DSCAML1: variants seen among roughly 807,000 people sequenced by gnomAD.
The protein encoded by DSCAML1 is DS cell adhesion molecule like 1, also known as cell adhesion molecule DSCAML1.
Under a neutral mutation model 200.5 loss-of-function variants are expected in DSCAML1, and 38 were observed. That is an observed-to-expected ratio of 0.19 (90% CI 0.15 to 0.25). The LOEUF (loss-of-function observed/expected upper bound fraction) is 0.25, where lower values mean the gene tolerates loss of function less well. DSCAML1 is among the 10% of genes least tolerant of loss of function. The probability of loss-of-function intolerance (pLI) is 1.00; values close to 1 mark genes in which losing one functional copy is unlikely to be tolerated. For missense variants in DSCAML1, 2,223 were observed against 2,858.8 expected (o/e 0.78, Z 5.07); for synonymous variants, 1,215 against 1,165.0 (o/e 1.04, Z -0.87).
In DSCAML1 at chr11:117,505,772, A is replaced by C. The variant is rs751743236; in HGVS notation, c.1784-40T>G. ...GGGTGCTGCCGTCAGGACCCTGTGCATTCTCACCTGGCCGCCAACGCCGCC... is the reference window on the plus strand; with the variant it reads ...GGGTGCTGCCGTCAGGACCCTGTGCCTTCTCACCTGGCCGCCAACGCCGCC... On this transcript the variant is annotated intron_variant, in intron 8 of 32. Coordinates refer to ENST00000651296, the MANE Select transcript of DSCAML1 (RefSeq NM_020693.4). The surrounding 1 kb of genome is among the most constrained non-coding windows in gnomAD (Gnocchi z 6.7). 1 of 1,579,978 alleles carries C rather than the reference A, an allele frequency of 6.3e-7. No individual in the cohort carries two copies. Among genetic ancestry groups the C allele is most frequent in the South Asian group, 1.1e-5 (1 of 88,628 alleles).
At chr11:117,720,221 T>C (rs1330862208) in intron 3 of DSCAML1, among the ~76,000 whole-genome samples, 1 of 152,144 alleles carries the variant, frequency 6.6e-6, no homozygotes, top group South Asian at 2.1e-4. Context: ...ATGGAGCAGA[T>C]AGCAATTTTC....
intron 20 of DSCAML1, among the ~76,000 whole-genome samples, chr11:117,448,211 G>C (rs368111127): frequency 6.6e-6 from 1 of 152,206 alleles, no homozygotes; most frequent in Non-Finnish European, 1.5e-5. Flanking sequence ...ACCAACCTTG[G>C]AAAGACTTCA....
intron 3 of DSCAML1, among the ~76,000 whole-genome samples, chr11:117,729,966 CA>C (rs1168910822): frequency 6.6e-6 from 1 of 152,168 alleles, no homozygotes; most frequent in Non-Finnish European, 1.5e-5. Context: ...TTTGGGAGGC[CA>C]GGGCGGGTGG....
chr11:117,788,295 T>C (rs575941333), intron 1 of DSCAML1, among the ~76,000 whole-genome samples: 18 of 152,190 alleles, frequency 1.2e-4, no homozygotes, highest in Non-Finnish European at 2.2e-4. Context: ...TTTTGGTTTG[T>C]TTTGTTGTTG....
At chr11:117,486,333 A>T (rs1321647717) in intron 11 of DSCAML1, among the ~76,000 whole-genome samples, 48 of 150,250 alleles carry the variant, frequency 3.2e-4, no homozygotes, top group African/African-American at 8.2e-4. Flanking sequence ...GCGGATGTGA[A>T]AATGGCGGAT....
chr11:117,672,501 G>A (rs955171383), intron 3 of DSCAML1, among the ~76,000 whole-genome samples: 1 of 152,172 alleles, frequency 6.6e-6, no homozygotes, highest in Non-Finnish European at 1.5e-5. Context: ...AGTGCTCCAA[G>A]GATAAGGATT....
At chr11:117,567,240 G>A (rs1795689977) in intron 3 of DSCAML1, among the ~76,000 whole-genome samples, 1 of 152,122 alleles carries the variant, frequency 6.6e-6, no homozygotes, top group Non-Finnish European at 1.5e-5. Context: ...TCCAGCACCT[G>A]TTGTTTCCTG....
intron 3 of DSCAML1, among the ~76,000 whole-genome samples, chr11:117,623,270 G>A (rs2051976737): frequency 7.0e-6 from 1 of 142,276 alleles, no homozygotes; most frequent in Admixed American, 7.3e-5. Context: ...GGCTGGGAGT[G>A]CAGTGGCGTG....
intron 3 of DSCAML1, among the ~76,000 whole-genome samples, chr11:117,600,707 T>C (rs2051449892): frequency 6.6e-6 from 1 of 152,190 alleles, no homozygotes; most frequent in Middle Eastern, 3.2e-3. Context: ...ACTCAACCTG[T>C]CATTATCTCT....
At chr11:117,669,725 G>C (rs2053061142) in intron 3 of DSCAML1, among the ~76,000 whole-genome samples, 1 of 152,256 alleles carries the variant, frequency 6.6e-6, no homozygotes, top group African/African-American at 2.4e-5. Flanking sequence ...ACTGAGACCT[G>C]AAGGATGAGA....
intron 3 of DSCAML1, among the ~76,000 whole-genome samples, chr11:117,579,709 A>G (rs1189002789): frequency 4.6e-5 from 7 of 152,186 alleles, no homozygotes; most frequent in African/African-American, 2.4e-5. Flanking sequence ...TATAAAATCT[A>G]TGCAGTCAGT....
chr11:117,650,700 T>TGTGTGTGTGCAC (rs147584706), intron 3 of DSCAML1, among the ~76,000 whole-genome samples: 17 of 147,352 alleles, frequency 1.2e-4, no homozygotes, highest in Non-Finnish European at 2.2e-4. Context: ...TGTGTGTGTG[T>TGTGTGTGTGCAC]GCGTGTGTGT....
At chr11:117,757,723 A>C (rs1235353199) in intron 3 of DSCAML1, among the ~76,000 whole-genome samples, 1 of 152,130 alleles carries the variant, frequency 6.6e-6, no homozygotes, top group Non-Finnish European at 1.5e-5. Flanking sequence ...CACACCTGTA[A>C]TCCTCAAAAT....
chr11:117,609,695 G>A (rs1260887376), intron 3 of DSCAML1, among the ~76,000 whole-genome samples: 2 of 151,988 alleles, frequency 1.3e-5, no homozygotes, highest in East Asian at 1.9e-4. Flanking sequence ...TTTGTTTTGG[G>A]TGTTAGTATT....
At chr11:117,644,866 C>T (rs2052490854) in intron 3 of DSCAML1, among the ~76,000 whole-genome samples, 1 of 152,234 alleles carries the variant, frequency 6.6e-6, no homozygotes, top group Non-Finnish European at 1.5e-5. Context: ...AAGGACTGAA[C>T]CCGCCGGGGC....
rs761991944 is a variant in DSCAML1, at chr11:117,428,473, G to A, written c.6017C>T (p.Pro2006Leu). ...PTAPSAAPPA[P>L]STEPPRAGGP... ...CCCGGCTCGTGGAGGCTCGGTGCTGGGGGCCGGAGGGGCAGCGCTGGGGGC... is the reference window on the plus strand; with the variant it reads ...CCCGGCTCGTGGAGGCTCGGTGCTGAGGGCCGGAGGGGCAGCGCTGGGGGC... The change falls in exon 33 of 33, where the codon CCC becomes CTC. Residue 2006 changes from proline (P) to leucine (L), a missense_variant. Coordinates refer to ENST00000651296, the MANE Select transcript of DSCAML1 (RefSeq NM_020693.4). The A allele has an allele frequency of 5.6e-5, 86 of 1,531,210 alleles. No homozygotes were observed. The highest frequency in any genetic ancestry group is 6.9e-5 in the Non-Finnish European group (79 of 1,139,478). 94.9% of individuals were successfully genotyped at this position (1,531,210 alleles called of 1,614,324 possible).
chr11:117,794,462 G>A (rs1174384821), intron 1 of DSCAML1, among the ~76,000 whole-genome samples: 1 of 152,056 alleles, frequency 6.6e-6, no homozygotes, highest in Non-Finnish European at 1.5e-5. Context: ...AAGGTATTTT[G>A]AGAGGAATGG....
At chr11:117,574,065 G>A (rs1285724625) in intron 3 of DSCAML1, among the ~76,000 whole-genome samples, 2 of 152,200 alleles carry the variant, frequency 1.3e-5, no homozygotes, top group South Asian at 2.1e-4. Context: ...GGAGCTGGAT[G>A]GGAGGGAAGG....
At chr11:117,468,609 G>A (rs948297477) in intron 16 of DSCAML1, among the ~76,000 whole-genome samples, 2 of 152,166 alleles carry the variant, frequency 1.3e-5, no homozygotes, top group Non-Finnish European at 2.9e-5. Context: ...ACTTTCTGAG[G>A]AGAGCCCTGG....
Sources: gnomAD v4.1 joint callset for allele counts (sites outside exome capture counted in the v4.1 genomes callset) on GRCh38, gnomAD v4.1.1 for gene constraint, Gnocchi (gnomAD v3.1) non-coding constraint, MANE v1.5 for transcripts, NCBI Gene and HGNC (gene_info 2026-07-23, HGNC 2026-07-21) for gene names.